The following FAAH2 variants were observed in gnomAD, a reference collection of about 807,000 sequenced individuals.
FAAH2 encodes the protein fatty acid amide hydrolase 2.
In FAAH2, 60 loss-of-function variants were observed where a neutral mutation model predicts 36.9. The observed-to-expected ratio is 1.63, with a 90% confidence interval of 1.32 to 2.02. The LOEUF is 2.02. Ranked by LOEUF, FAAH2 falls within the 30% of genes most tolerant of loss-of-function variation. The pLI is 0.00. For missense variants in FAAH2, 689 were observed against 397.5 expected (o/e 1.73, Z -6.23); for synonymous variants, 214 against 143.8 (o/e 1.49, Z -3.49).
chrX:57,346,011 T>A (rs1381302760), intron 5 of FAAH2, among the ~76,000 whole-genome samples: 1 of 111,567 alleles, frequency 9.0e-6, no homozygotes, highest in Non-Finnish European at 1.9e-5. Flanking sequence ...TTAAATTTTT[T>A]TGAATTTATT....
the FAAH2 span, among the ~76,000 whole-genome samples, chrX:57,212,404 A>C: frequency 8.9e-6 from 1 of 112,372 alleles, no homozygotes; most frequent in Non-Finnish European, 1.9e-5. Flanking sequence ...TAACAATTCA[A>C]AATGCAGACT....
intron 6 of FAAH2, 92 bp from the exon 7 acceptor site, chrX:57,380,819 AC>A (rs2054824961): frequency 5.8e-6 from 3 of 517,599 alleles, no homozygotes; most frequent in Non-Finnish European, 9.4e-6. Context: ...GGAAAAAAAT[AC>A]TTCATTAGAG....
chrX:57,333,968 G>T (rs955099855), intron 4 of FAAH2, among the ~76,000 whole-genome samples: 2 of 111,372 alleles, frequency 1.8e-5, no homozygotes, highest in African/African-American at 6.5e-5. Context: ...AGCAAAGACA[G>T]AATTATATTG....
At chrX:57,201,199 G>T in the FAAH2 span, among the ~76,000 whole-genome samples, 1 of 110,404 alleles carries the variant, frequency 9.1e-6, no homozygotes, top group Non-Finnish European at 1.9e-5. Context: ...GAGGAGTGTG[G>T]AACACAAGGT....
chrX:57,429,938 G>C lies in FAAH2; in HGVS notation c.997-1980G>C, dbSNP rs1047144090. On this transcript the variant is annotated intron_variant, in intron 7 of 10. Transcript: ENST00000374900. ...TAAGTGAATGGTTTGGAAACAGAAA[G>C]GCAAATACCACATATTTTCACTTAT... Among the ~76,000 whole-genome samples the C allele has an allele frequency of 9.9e-5, 11 of 110,753 alleles. No individual in the cohort carries two copies. In the East Asian group the frequency reaches 2.8e-3, roughly 29 times the overall value.
At chrX:57,188,344 G>T in the FAAH2 span, among the ~76,000 whole-genome samples, 1 of 111,298 alleles carries the variant, frequency 9.0e-6, no homozygotes, top group Non-Finnish European at 1.9e-5. Flanking sequence ...CTAGTTATTT[G>T]CATATAGGTG....
chrX:57,262,459 A>C, the FAAH2 span, among the ~76,000 whole-genome samples: 172 of 112,034 alleles, frequency 1.5e-3, no homozygotes, highest in African/African-American at 5.1e-3. Flanking sequence ...ATAATTTAAG[A>C]GTTAATTATA....
upstream of FAAH2, among the ~76,000 whole-genome samples, chrX:57,283,622 G>A (rs1363381302): frequency 9.0e-6 from 1 of 111,186 alleles, no homozygotes; most frequent in Non-Finnish European, 1.9e-5. Context: ...AGGGTGGGAC[G>A]TCTGTGTAGA....
chrX:57,393,188 A>G, intron 7 of FAAH2: 2 of 1,190,756 alleles, frequency 1.7e-6, no homozygotes, highest in African/African-American at 1.7e-5. Context: ...CACGGCCACT[A>G]CTACTGGAAT....
the FAAH2 span, among the ~76,000 whole-genome samples, chrX:57,153,491 T>C: frequency 4.5e-5 from 5 of 112,150 alleles, no homozygotes; most frequent in African/African-American, 1.6e-4. Flanking sequence ...TGGTTTTGTT[T>C]TGATGTGTTT....
intron 4 of FAAH2, among the ~76,000 whole-genome samples, chrX:57,335,662 G>A (rs981030889): frequency 9.6e-6 from 1 of 103,972 alleles, no homozygotes; most frequent in Non-Finnish European, 2.0e-5. Context: ...GCAAAGAGGC[G>A]TTCCTTCCTC....
chrX:57,178,835 T>C, the FAAH2 span, among the ~76,000 whole-genome samples: 1 of 111,738 alleles, frequency 8.9e-6, no homozygotes, highest in Middle Eastern at 4.2e-3. Context: ...CAGGCAGCCT[T>C]CACTCAGAAG....
the FAAH2 span, chrX:57,229,521 T>C: frequency 9.0e-6 from 1 of 111,707 alleles, no homozygotes; most frequent in South Asian, 3.8e-4. Flanking sequence ...TTGATGTGTG[T>C]TCTATCTCTC....
At chrX:57,247,405 A>T in the FAAH2 span, among the ~76,000 whole-genome samples, 2 of 111,664 alleles carry the variant, frequency 1.8e-5, no homozygotes, top group Non-Finnish European at 3.8e-5. Context: ...AAGGATGTGA[A>T]GGAAGAGGGG....
At chrX:57,412,359 C>A (rs183168817) in intron 7 of FAAH2, among the ~76,000 whole-genome samples, 4 of 111,408 alleles carry the variant, frequency 3.6e-5, no homozygotes, top group Non-Finnish European at 7.5e-5. Context: ...TCTTCTAATG[C>A]TATCCCTCCC....
At chrX:57,286,547 G>A (rs368638942), upstream of FAAH2, among the ~76,000 whole-genome samples, 3 of 111,266 alleles carry the variant, frequency 2.7e-5, no homozygotes, top group African/African-American at 6.5e-5. Flanking sequence ...GGAATTCCAA[G>A]GCCAGTGTTC....
At chrX:57,435,639 G>A (rs1322429191) in intron 8 of FAAH2, among the ~76,000 whole-genome samples, 2 of 109,858 alleles carry the variant, frequency 1.8e-5, no homozygotes, top group Non-Finnish European at 3.8e-5. Flanking sequence ...TGCAACAGGA[G>A]GATATAACAT....
intron 8 of FAAH2, among the ~76,000 whole-genome samples, chrX:57,441,434 G>T (rs1013743540): frequency 9.0e-6 from 1 of 110,965 alleles, no homozygotes; most frequent in Non-Finnish European, 1.9e-5. Flanking sequence ...ATTTCTTTGG[G>T]ATTGGTGGTG....
chrX:57,383,923 A>G (rs1229177907), intron 7 of FAAH2, among the ~76,000 whole-genome samples: 1 of 111,890 alleles, frequency 8.9e-6, no homozygotes, highest in Non-Finnish European at 1.9e-5. Flanking sequence ...ACTTCAAACT[A>G]TACTGGAAGA....
Sources: allele counts gnomAD v4.1 joint callset (sites outside exome capture counted in the v4.1 genomes callset), GRCh38; gene constraint gnomAD v4.1.1; transcripts MANE v1.5; gene names NCBI Gene and HGNC (gene_info 2026-07-23, HGNC 2026-07-21).